Variants in DACH2 observed in about 807,000 individuals in gnomAD.
The protein encoded by DACH2 is dachshund family transcription factor 2.
In DACH2, 17 loss-of-function variants were observed where a neutral mutation model predicts 35.8. The ratio of observed to expected loss-of-function variants is 0.48; its 90% CI spans 0.33 to 0.71. The LOEUF (loss-of-function observed/expected upper bound fraction) is 0.71. Ranked by LOEUF, DACH2 falls within the 30% of genes least tolerant of loss-of-function variation. DACH2 has a pLI of 0.02. For synonymous variants in DACH2, 195 were observed against 177.3 expected (o/e 1.10, Z -0.79); for missense variants, 469 against 472.7 (o/e 0.99, Z 0.07).
At chrX:86,473,523 C>T (rs2037792992) in intron 2 of DACH2, among the ~76,000 whole-genome samples, 1 of 111,364 alleles carries the variant, frequency 9.0e-6, no homozygotes, top group Non-Finnish European at 1.9e-5. Flanking sequence ...CCATCACCCA[C>T]TACCCTTCCA....
chrX:86,669,390 A>G (rs1443573626), intron 4 of DACH2, among the ~76,000 whole-genome samples: 7 of 111,347 alleles, frequency 6.3e-5, no homozygotes, highest in Non-Finnish European at 1.3e-4. Context: ...CCTTCTTAGT[A>G]GATACAAGAA....
chrX:86,173,982 G>A (rs1378005218), intron 1 of DACH2, among the ~76,000 whole-genome samples: 1 of 111,100 alleles, frequency 9.0e-6, no homozygotes, highest in African/African-American at 3.3e-5. Context: ...TAGATGCTGG[G>A]TGTGAGAGAA....
At chrX:86,556,756 G>GTATATATATATATATATA (rs555576117) in intron 3 of DACH2, among the ~76,000 whole-genome samples, 2 of 25,450 alleles carry the variant, frequency 7.9e-5, no homozygotes, top group Non-Finnish European at 1.3e-4. Flanking sequence ...AATAGGATAT[G>GTATATATATATATATATA]TATATATATA....
chrX:86,201,181 C>A (rs910463978), intron 1 of DACH2, among the ~76,000 whole-genome samples: 1 of 107,418 alleles, frequency 9.3e-6, no homozygotes, highest in African/African-American at 3.4e-5. Flanking sequence ...CAAAGTAACA[C>A]GGGAAGAGAA....
chrX:86,181,224 T>C (rs1234982485), intron 1 of DACH2, among the ~76,000 whole-genome samples: 2 of 110,083 alleles, frequency 1.8e-5, no homozygotes, highest in Non-Finnish European at 3.8e-5. Flanking sequence ...CTGGGATACA[T>C]GTGCAGAACG....
chrX:86,744,024 A>G (rs1352957074), intron 7 of DACH2, among the ~76,000 whole-genome samples: 1 of 111,494 alleles, frequency 9.0e-6, no homozygotes, highest in African/African-American at 3.2e-5. Context: ...TGCAAACCCC[A>G]TAAGTCAAAA....
In DACH2 at chrX:86,812,812, G is replaced by A. The variant is rs200206494; in HGVS notation, c.1241-44G>A. 765 of 1,075,910 alleles carry A rather than the reference G, an allele frequency of 7.1e-4. 5 individuals carry two copies. The highest frequency in any genetic ancestry group is 1.6e-3 in the Middle Eastern group (6 of 3,867). The allele number at this position is 1,075,910 out of a possible 1,213,427, so 88.7% of individuals were successfully genotyped here. On this transcript the variant is annotated intron_variant, in intron 7 of 11. Transcript: ENST00000373125. ...AGAGGTGGCTTAGTGAGACTTTTGA[G>A]CTCTTAATCTGTGAACCTTCTGATA...
chrX:86,384,790 A>G (rs946885150), intron 2 of DACH2, among the ~76,000 whole-genome samples: 1 of 112,054 alleles, frequency 8.9e-6, no homozygotes, highest in Non-Finnish European at 1.9e-5. Flanking sequence ...AGTGATATTC[A>G]TAATTTATGA....
chrX:86,465,688 T>A (rs191536760), intron 2 of DACH2, among the ~76,000 whole-genome samples: 2 of 112,074 alleles, frequency 1.8e-5, no homozygotes, highest in Non-Finnish European at 3.8e-5. Context: ...ATTAATATAT[T>A]TGTTTTTTAA....
chrX:86,761,551 A>C (rs1036519897), intron 7 of DACH2, among the ~76,000 whole-genome samples: 20 of 111,756 alleles, frequency 1.8e-4, no homozygotes, highest in Non-Finnish European at 3.8e-4. Context: ...TACTGGGTAT[A>C]TACCCAAAGG....
At chrX:86,659,779 G>A (rs942449613) in intron 4 of DACH2, among the ~76,000 whole-genome samples, 8 of 111,652 alleles carry the variant, frequency 7.2e-5, no homozygotes, top group Admixed American at 1.9e-4. Flanking sequence ...TACAATGAAC[G>A]AATCTGAGAT....
intron 1 of DACH2, among the ~76,000 whole-genome samples, chrX:86,300,229 C>T (rs1366162915): frequency 1.8e-5 from 2 of 109,184 alleles, no homozygotes; most frequent in East Asian, 5.7e-4. Flanking sequence ...AACTTTACTT[C>T]TTTGCGAAAA....
At position 86,299,432 on chromosome X, in the gene DACH2, C is replaced by T. The variant is rs186564554; in HGVS notation, c.489-77392C>T. Among the ~76,000 whole-genome samples the T allele has an allele frequency of 6.1e-3, 677 of 111,828 alleles. 5 individuals are homozygous for T. Among genetic ancestry groups the T allele is most frequent in the African/African-American group, 0.021 (648 of 30,824 alleles). ...GATCATGTTCAGCTTAGCAGTGATT[C>T]TGACAGTGCTCAGCACAAAGTAGAT... On this transcript the variant is annotated intron_variant, in intron 1 of 11. Transcript: ENST00000373125.
chrX:86,399,635 T>C (rs762923814), intron 2 of DACH2, among the ~76,000 whole-genome samples: 3 of 111,227 alleles, frequency 2.7e-5, no homozygotes, highest in African/African-American at 9.8e-5. Context: ...CTCTTTCACT[T>C]ATGAAGCTTC....
At chrX:86,243,425 T>C (rs1003513724) in intron 1 of DACH2, among the ~76,000 whole-genome samples, 7 of 112,273 alleles carry the variant, frequency 6.2e-5, no homozygotes, top group Non-Finnish European at 1.1e-4. Flanking sequence ...TAACATCATT[T>C]TGTAAACCTC....
chrX:86,800,531 A>G (rs902830640), intron 7 of DACH2, among the ~76,000 whole-genome samples: 1 of 112,270 alleles, frequency 8.9e-6, no homozygotes, highest in East Asian at 2.8e-4. Flanking sequence ...TTTTCATAGC[A>G]ATAGACAGCA....
At chrX:86,532,533 T>C (rs746586146) in intron 3 of DACH2, among the ~76,000 whole-genome samples, 1 of 110,345 alleles carries the variant, frequency 9.1e-6, no homozygotes, top group Non-Finnish European at 1.9e-5. Flanking sequence ...CCATGTAATA[T>C]GTGCCTTGCT....
chrX:86,535,473 G>T (rs1332753166), intron 3 of DACH2, among the ~76,000 whole-genome samples: 9 of 111,640 alleles, frequency 8.1e-5, no homozygotes, highest in Non-Finnish European at 1.3e-4. Context: ...GGAAGCAGGG[G>T]TCAGGATGTG....
chrX:86,796,490 C>T (rs1230547164), intron 7 of DACH2, among the ~76,000 whole-genome samples: 1 of 111,934 alleles, frequency 8.9e-6, no homozygotes, highest in Non-Finnish European at 1.9e-5. Flanking sequence ...TTTTAAAGCA[C>T]TTTATCCAAA....
Sources: gnomAD v4.1 joint callset for allele counts (sites outside exome capture counted in the v4.1 genomes callset) on GRCh38, gnomAD v4.1.1 for gene constraint, MANE v1.5 for transcripts, NCBI Gene and HGNC (gene_info 2026-07-23, HGNC 2026-07-21) for gene names.